Variants in SOX5 observed in about 807,000 individuals in gnomAD.
SOX5 encodes the protein SRY-box transcription factor 5, also known as transcription factor SOX-5.
Under a neutral mutation model 92.0 loss-of-function variants are expected in SOX5, and 9 were observed. The ratio of observed to expected loss-of-function variants is 0.10; its 90% CI spans 0.06 to 0.17. SOX5 has a LOEUF of 0.17. Among genes scored for constraint, SOX5 ranks in the 10% least tolerant of loss-of-function variants. SOX5 has a pLI of 1.00. For missense variants in SOX5, 642 were observed against 944.5 expected (o/e 0.68, Z 4.20); for synonymous variants, 344 against 336.3 (o/e 1.02, Z -0.25).
chr12:24,103,557 T>A (rs189346706), intron 4 of SOX5, among the ~76,000 whole-genome samples: 2 of 152,314 alleles, frequency 1.3e-5, no homozygotes, highest in African/African-American at 4.8e-5. Flanking sequence ...GGTCTTGCTA[T>A]GTTGCCCAGG....
intron 10 of SOX5, 107 bp from the exon 11 acceptor site, chr12:23,563,510 A>C: frequency 1.2e-6 from 1 of 867,900 alleles, no homozygotes; most frequent in Non-Finnish European, 1.8e-6. Flanking sequence ...TCTGGCCTAT[A>C]ATGATTTCTC....
chr12:23,925,016 A>AT, intron 1 of SOX5, among the ~76,000 whole-genome samples: 1 of 152,156 alleles, frequency 6.6e-6, no homozygotes, highest in East Asian at 1.9e-4. Flanking sequence ...AGAATGATCA[A>AT]TAAAAAAAAA....
At chr12:23,824,571 C>T (rs927461074) in intron 3 of SOX5, among the ~76,000 whole-genome samples, 9 of 152,176 alleles carry the variant, frequency 5.9e-5, no homozygotes, top group Non-Finnish European at 8.8e-5. Context: ...CGTGTCTCCC[C>T]GTCAGGAGGC....
chr12:23,806,126 TA>T (rs1476130300), intron 3 of SOX5, among the ~76,000 whole-genome samples: 2 of 152,172 alleles, frequency 1.3e-5, no homozygotes, highest in Non-Finnish European at 2.9e-5. Context: ...CTTACAATAA[TA>T]GCCTTAGAGA....
chr12:23,740,867 T>C lies in SOX5; in HGVS notation c.741A>G (p.Gln247=), dbSNP rs766947623. The change falls in exon 5 of 15, where the codon CAA becomes CAG. Residue 247 remains glutamine (Q), a splice_region_variant and synonymous_variant. Transcript: ENST00000451604. ...QMELAKQQQE[Q]IARQQQQLLQ... is the part of the protein sequence containing the mutation. ...GACTGCATCGCTAGTTCTTACTCAC[T>C]TGTTCTTGTTGCTGCTTGGCCAGCT... 5 of 1,609,468 alleles carry C rather than the reference T, an allele frequency of 3.1e-6. No individual in the cohort carries two copies. The highest frequency in any genetic ancestry group is 2.2e-5 in the South Asian group (2 of 90,758).
At chr12:23,904,912 C>A (rs2097275411) in intron 1 of SOX5, among the ~76,000 whole-genome samples, 1 of 152,100 alleles carries the variant, frequency 6.6e-6, no homozygotes, top group African/African-American at 2.4e-5. Context: ...CTCTTCCGTG[C>A]CACCAAAGTC....
chr12:24,093,097 G>A (rs1244982296), intron 4 of SOX5, among the ~76,000 whole-genome samples: 2 of 152,128 alleles, frequency 1.3e-5, no homozygotes, highest in African/African-American at 4.8e-5. Context: ...TCCAACTAAA[G>A]TTTCGGAGTG....
intron 2 of SOX5, among the ~76,000 whole-genome samples, chr12:23,875,487 T>TA (rs1307608747): frequency 6.6e-6 from 1 of 151,882 alleles, no homozygotes; most frequent in Non-Finnish European, 1.5e-5. Context: ...TTTTCTTTAG[T>TA]AAAAAAGTTT....
At chr12:24,376,635 G>A (rs1367073151) in intron 1 of SOX5, among the ~76,000 whole-genome samples, 1 of 140,888 alleles carries the variant, frequency 7.1e-6, no homozygotes, top group African/African-American at 2.6e-5. Context: ...AATGTGCTAA[G>A]CATTGTCATG....
At chr12:24,279,768 T>A (rs1163967152) in intron 2 of SOX5, among the ~76,000 whole-genome samples, 2 of 152,146 alleles carry the variant, frequency 1.3e-5, no homozygotes, top group African/African-American at 4.8e-5. Flanking sequence ...AAAAAAATAA[T>A]TTTGGCAACT....
intron 2 of SOX5, among the ~76,000 whole-genome samples, chr12:23,867,821 T>TAA (rs539920837): frequency 0.014 from 1,980 of 140,466 alleles, 16 homozygotes; most frequent in African/African-American, 0.022. Context: ...ACAAAGATAG[T>TAA]AAAAAAAAAA....
At chr12:24,083,810 G>A (rs1180343273) in intron 4 of SOX5, among the ~76,000 whole-genome samples, 2 of 151,980 alleles carry the variant, frequency 1.3e-5, no homozygotes, top group Non-Finnish European at 2.9e-5. Flanking sequence ...AATAATTAGT[G>A]GCCCACTTTA....
At chr12:24,339,927 C>A (rs751531308) in intron 2 of SOX5, among the ~76,000 whole-genome samples, 8 of 152,238 alleles carry the variant, frequency 5.3e-5, no homozygotes, top group Non-Finnish European at 8.8e-5. Flanking sequence ...ATTATCCCCC[C>A]TGGCTGTAGC....
At chr12:24,487,361 T>A (rs1255323076) in intron 1 of SOX5, among the ~76,000 whole-genome samples, 1 of 152,148 alleles carries the variant, frequency 6.6e-6, no homozygotes, top group African/African-American at 2.4e-5. Context: ...GGAAAATGTT[T>A]CTTTATAAGT....
chr12:23,965,005 G>C (rs1353580687), intron 4 of SOX5, among the ~76,000 whole-genome samples: 1 of 151,976 alleles, frequency 6.6e-6, no homozygotes, highest in Non-Finnish European at 1.5e-5. Context: ...AGGGGCGCGT[G>C]GTCAGCTCCC....
chr12:24,060,243 C>G (rs1309808455), intron 4 of SOX5, among the ~76,000 whole-genome samples: 1 of 152,144 alleles, frequency 6.6e-6, no homozygotes, highest in Admixed American at 6.5e-5. Context: ...GAAGTAGATA[C>G]AATTATTATC....
At chr12:24,213,661 T>G (rs1958906218) in intron 3 of SOX5, among the ~76,000 whole-genome samples, 1 of 151,852 alleles carries the variant, frequency 6.6e-6, no homozygotes, top group Admixed American at 6.6e-5. Flanking sequence ...CATACGACTG[T>G]GCTAGTTAGT....
chr12:23,678,818 C>G (rs984175654), intron 6 of SOX5, among the ~76,000 whole-genome samples: 1 of 152,084 alleles, frequency 6.6e-6, no homozygotes, highest in African/African-American at 2.4e-5. Context: ...TACCTACAAA[C>G]TAGGCTTTTA....
chr12:24,373,677 G>A (rs911697587), intron 1 of SOX5, among the ~76,000 whole-genome samples: 1 of 152,080 alleles, frequency 6.6e-6, no homozygotes, highest in African/African-American at 2.4e-5. Flanking sequence ...TATCAAAATG[G>A]ATATATATAG....
Sources: allele counts gnomAD v4.1 joint callset (sites outside exome capture counted in the v4.1 genomes callset), GRCh38; gene constraint gnomAD v4.1.1; transcripts MANE v1.5; gene names NCBI Gene and HGNC (gene_info 2026-07-23, HGNC 2026-07-21).